Variants in PLEKHS1 observed in about 807,000 individuals in gnomAD.
PLEKHS1 encodes the protein pleckstrin homology domain-containing family S member 1.
A neutral mutation model predicts 51.0 loss-of-function variants in PLEKHS1; 55 were observed. The observed-to-expected ratio is 1.08, with a 90% CI of 0.87 to 1.35. PLEKHS1 has a LOEUF of 1.35. Ranked by LOEUF, PLEKHS1 falls within the 40% of genes most tolerant of loss-of-function variation. PLEKHS1 has a pLI of 0.00. For missense variants in PLEKHS1, 398 were observed against 423.0 expected (o/e 0.94, Z 0.52); for synonymous variants, 153 against 144.8 (o/e 1.06, Z -0.41).
chr10:113,757,300 TAGA>T (rs1047958880), intron 2 of PLEKHS1, among the ~76,000 whole-genome samples: 20 of 152,204 alleles, frequency 1.3e-4, no homozygotes, highest in African/African-American at 4.6e-4. Context: ...TACAATTTGA[TAGA>T]AGTTTTGATA....
chr10:113,777,358 A>G, intron 11 of PLEKHS1, 99 bp downstream of exon 12: 1 of 1,608,572 alleles, frequency 6.2e-7, no homozygotes. Flanking sequence ...GAATACAAAT[A>G]AGGTTCCTCA....
At chr10:113,768,999 G>A in intron 6 of PLEKHS1, 109 bp downstream of exon 6, 1 of 662,914 alleles carries the variant, frequency 1.5e-6, no homozygotes, top group Non-Finnish European at 2.4e-6. Context: ...TTTAATACAA[G>A]GAATAAATAA....
At chr10:113,770,225 C>T (rs1461551611) in intron 7 of PLEKHS1, among the ~76,000 whole-genome samples, 1 of 152,198 alleles carries the variant, frequency 6.6e-6, no homozygotes, top group Non-Finnish European at 1.5e-5. Flanking sequence ...GATCCCTCTG[C>T]CAAAAGATTT....
At chr10:113,764,687 T>A (rs1844084119) in intron 2 of PLEKHS1, 1 of 152,190 alleles carries the variant, frequency 6.6e-6, no homozygotes, top group Admixed American at 6.5e-5. Context: ...TTTTTATTTC[T>A]CCCTCTCTCA....
chr10:113,776,675 A>C (rs1043422051), intron 11 of PLEKHS1, among the ~76,000 whole-genome samples: 1 of 152,190 alleles, frequency 6.6e-6, no homozygotes, highest in African/African-American at 2.4e-5. Context: ...AACGCTGAGC[A>C]CTCTTTCTTT....
At chr10:113,777,480 G>T in intron 11 of PLEKHS1, 21 of 1,591,206 alleles carry the variant, frequency 1.3e-5, no homozygotes, top group Non-Finnish European at 1.8e-5. Context: ...AGAGCACCTG[G>T]GTTCAGGACC....
chr10:113,770,859 G>A (rs182691925), intron 7 of PLEKHS1, among the ~76,000 whole-genome samples: 214 of 152,200 alleles, frequency 1.4e-3, no homozygotes, highest in African/African-American at 4.9e-3. Flanking sequence ...AAACCAGCTC[G>A]AGTTAACAGT....
intron 7 of PLEKHS1, among the ~76,000 whole-genome samples, chr10:113,770,541 G>C (rs1844358964): frequency 6.6e-6 from 1 of 152,096 alleles, no homozygotes; most frequent in African/African-American, 2.4e-5. Context: ...TTGTCTCTTA[G>C]AGACTTATCC....
chr10:113,782,848 G>A (rs10885502), downstream of PLEKHS1: 54,217 of 151,984 alleles, frequency 0.36, 9,968 homozygotes, highest in South Asian at 0.49. Context: ...TTTTGGATCT[G>A]CTGTTTCTAC....
intron 11 of PLEKHS1, 40 bp from the exon 13 acceptor site, chr10:113,780,561 TA>T: frequency 6.4e-7 from 1 of 1,571,498 alleles, no homozygotes; most frequent in Non-Finnish European, 8.7e-7. Flanking sequence ...ATCTTAAAGA[TA>T]ATCTTTAGCC....
intron 11 of PLEKHS1, among the ~76,000 whole-genome samples, chr10:113,779,780 G>T (rs773379884): frequency 4.6e-5 from 7 of 152,140 alleles, no homozygotes; most frequent in Admixed American, 3.3e-4. Context: ...TCTAGACTGT[G>T]GAGTCATTGC....
At chr10:113,774,425 A>C in intron 9 of PLEKHS1, 92 bp downstream of exon 9, 1 of 756,896 alleles carries the variant, frequency 1.3e-6, no homozygotes, top group Middle Eastern at 2.4e-4. Flanking sequence ...TGATAAACTG[A>C]TGCCAAACAT....
At chr10:113,768,741 T>A (rs1415962018) in intron 5 of PLEKHS1, 74 bp from the exon 6 acceptor site, 1 of 1,248,552 alleles carries the variant, frequency 8.0e-7, no homozygotes, top group African/African-American at 1.5e-5. Context: ...CTAACATTCA[T>A]AAAAGAATCC....
At chr10:113,774,151 T>C in intron 8 of PLEKHS1, 76 bp from the exon 9 acceptor site, 2 of 834,650 alleles carry the variant, frequency 2.4e-6, no homozygotes, top group Admixed American at 2.4e-5. Context: ...AGCCCAGAGC[T>C]GTTAATACTA....
At chr10:113,766,916 A>G (rs1304844849) in intron 4 of PLEKHS1, among the ~76,000 whole-genome samples, 198 bp downstream of exon 4, 1 of 152,216 alleles carries the variant, frequency 6.6e-6, no homozygotes, top group Non-Finnish European at 1.5e-5. Context: ...TTCATATTGT[A>G]TGTCATACTT....
Position 113,767,494 on chromosome 10 carries a change from A to G in PLEKHS1, c.359+15A>G. The G allele has an allele frequency of 6.3e-7, 1 of 1,594,434 alleles. No individual in the cohort carries two copies. The highest frequency in any genetic ancestry group is 1.2e-5 in the South Asian group (1 of 86,830). ...GGCCACGACAGGTGAGAGAAGTAAG[A>G]TAACACAGAATATCTACTGCATGCA... On this transcript the variant is annotated intron_variant, in intron 5 of 11. Transcript: ENST00000361048.
chr10:113,756,501 G>C (rs547393765), intron 2 of PLEKHS1, among the ~76,000 whole-genome samples: 9 of 152,052 alleles, frequency 5.9e-5, no homozygotes, highest in African/African-American at 1.7e-4. Context: ...TTAAACACAT[G>C]CAAGTCACTG....
intron 2 of PLEKHS1, chr10:113,765,382 T>C (rs766444548): frequency 3.8e-6 from 3 of 779,504 alleles, no homozygotes; most frequent in Non-Finnish European, 7.2e-6. Flanking sequence ...TTTTCCAGTA[T>C]GGCTGGAGGT....
rs765628504 is a variant in PLEKHS1, at chr10:113,775,737, G to A, written c.990-28G>A. 7.1e-6 allele frequency: 11 copies of A among 1,554,508 alleles called. No individual in the cohort carries two copies. The Admixed American group carries it at 1.2e-4, about 17-fold the overall frequency. On this transcript the variant is annotated intron_variant, in intron 10 of 11. Transcript: ENST00000361048. The stretch of plus-strand genomic sequence containing the variant: ...TGAGAGCCAAGGTCAGTTGCCTGAT[G>A]TGACTTTTACAAATGTCTTGTTCAT...
Sources: gnomAD v4.1 joint callset for allele counts (sites outside exome capture counted in the v4.1 genomes callset) on GRCh38, gnomAD v4.1.1 for gene constraint, MANE v1.5 for transcripts, NCBI Gene and HGNC (gene_info 2026-07-23, HGNC 2026-07-21) for gene names.